The following VSIG4 variants were observed in gnomAD, a reference collection of about 807,000 sequenced individuals.
VSIG4 encodes the protein V-set and immunoglobulin domain containing 4.
A neutral mutation model predicts 23.4 loss-of-function variants in VSIG4; 34 were observed. That is an observed-to-expected ratio of 1.45 (90% confidence interval 1.10 to 1.93). The LOEUF is 1.93. Ranked by LOEUF, VSIG4 falls within the 30% of genes most tolerant of loss-of-function variation. VSIG4 has a pLI of 0.00. For synonymous variants in VSIG4, 169 were observed against 120.3 expected (o/e 1.41, Z -2.65); for missense variants, 433 against 310.8 (o/e 1.39, Z -2.96).
At chrX:66,039,346 G>T (rs1259892022) in intron 1 of VSIG4, among the ~76,000 whole-genome samples, 1 of 111,826 alleles carries the variant, frequency 8.9e-6, no homozygotes, top group Non-Finnish European at 1.9e-5. Flanking sequence ...ATGGAAGTCA[G>T]AGGGAACTGG....
At chrX:66,037,969 A>C (rs1424134767) in intron 1 of VSIG4, among the ~76,000 whole-genome samples, 1 of 108,605 alleles carries the variant, frequency 9.2e-6, no homozygotes, top group Admixed American at 1.0e-4. Flanking sequence ...CCTTCCTCCC[A>C]TCATCACAAA....
chrX:66,037,014 C>A (rs1269562968), intron 1 of VSIG4, among the ~76,000 whole-genome samples: 6 of 26,416 alleles, frequency 2.3e-4, no homozygotes, highest in East Asian at 1.7e-3. Context: ...TATAATATAT[C>A]ATATAATATA....
rs1468109091 is a variant in VSIG4 at position 66,033,521 on chromosome X, C to T, written c.365G>A (p.Gly122Asp). Residue 122 changes from glycine to aspartate, a missense_variant, in exon 2 of 8, where the codon GGC becomes GAC. Gly to Asp is a moderately conservative substitution (Grantham distance 94). Transcript: ENST00000374737. ...AATCTTATCTCTCACGACTTGGTTG[C>T]CATCAGGAGTCTGCCAGGTGACTTC... ...TCEVTWQTPD[G>D]NQVVRDKITE... 2 of 1,211,065 alleles carry T rather than the reference C, an allele frequency of 1.7e-6. No homozygotes were observed. The highest frequency in any genetic ancestry group is 2.2e-6 in the Non-Finnish European group (2 of 895,143).
intron 5 of VSIG4, among the ~76,000 whole-genome samples, 197 bp downstream of exon 5, chrX:66,027,252 G>A (rs141600786): frequency 3.2e-3 from 360 of 111,740 alleles, no homozygotes; most frequent in Non-Finnish European, 5.6e-3. Flanking sequence ...CTCTGACTTT[G>A]CTCATCTCTG....
intron 6 of VSIG4, 56 bp downstream of exon 6, chrX:66,024,969 T>A (rs1045855589): frequency 1.1e-6 from 1 of 906,069 alleles, no homozygotes; most frequent in Non-Finnish European, 1.5e-6. Context: ...TAGGCTCAAG[T>A]ATACTGACAG....
intron 6 of VSIG4, among the ~76,000 whole-genome samples, chrX:66,024,683 T>C: frequency 8.9e-6 from 1 of 112,140 alleles, no homozygotes; most frequent in East Asian, 2.8e-4. Context: ...CTATGTATTG[T>C]CATTGATAAA....
At position 66,032,560 on chromosome X, in the gene VSIG4, G is replaced by T. The variant is rs150666044; in HGVS notation, c.602C>A (p.Ala201Glu). 1.7e-5 allele frequency: 20 copies of T among 1,209,729 alleles called. No individual in the cohort carries two copies. The South Asian group carries it at 2.1e-4, about 13-fold the overall frequency. ...ATLSTLLFKP[A>E]VIADSGSYFC... Reference sequence around the variant, plus strand: ...ATAGGAGCCTGAGTCGGCTATCACCGCAGGCTTGAAGAGTAAGGTACTTAG... The same window carrying T: ...ATAGGAGCCTGAGTCGGCTATCACCTCAGGCTTGAAGAGTAAGGTACTTAG... Residue 201 changes from alanine (A) to glutamate (E), a missense_variant, in exon 3 of 8, where the codon GCG (alanine) becomes GAG (glutamate). By Grantham distance (107) the Ala-to-Glu change is moderately radical (BLOSUM62 -1). Coordinates refer to ENST00000374737, the MANE Select transcript of VSIG4 (RefSeq NM_007268.3).
chrX:66,023,859 A>G lies in VSIG4; in HGVS notation c.941-997T>C, dbSNP rs73629484. On this transcript the variant is annotated intron_variant, in intron 6 of 7. Transcript: ENST00000374737. ...CATAAGAAGCCATGGAAGGTTTTTG[A>G]GAGAGAAACAATTTAATGTGGTTAC... is the stretch of plus-strand genomic sequence containing the variant. Among the ~76,000 whole-genome samples, 292 of 112,259 alleles carry G rather than the reference A, an allele frequency of 2.6e-3. 1 individual carries two copies. Among genetic ancestry groups the G allele is most frequent in the African/African-American group, 9.0e-3 (279 of 30,871 alleles).
intron 5 of VSIG4, among the ~76,000 whole-genome samples, chrX:66,027,214 G>A (rs1395267722): frequency 9.0e-6 from 1 of 111,327 alleles, no homozygotes; most frequent in African/African-American, 3.3e-5. Context: ...CTAAATAAAG[G>A]GCACATTTAT....
intron 1 of VSIG4, among the ~76,000 whole-genome samples, 164 bp from the exon 2 acceptor site, chrX:66,033,994 C>G (rs1457001283): frequency 8.9e-6 from 1 of 112,099 alleles, no homozygotes; most frequent in Non-Finnish European, 1.9e-5. Context: ...CCAGCCTTCT[C>G]ATCAATCAGA....
intron 3 of VSIG4, among the ~76,000 whole-genome samples, chrX:66,029,978 T>C (rs181554857): frequency 9.0e-6 from 1 of 111,535 alleles, no homozygotes; most frequent in East Asian, 2.8e-4. Flanking sequence ...CCTGATAATA[T>C]AGAAATACAT....
In VSIG4 at chrX:66,022,463, T is replaced by C. The variant is rs771391543; in HGVS notation, c.1000A>G (p.Met334Val). Residue 334 changes from methionine (M) to valine (V), a missense_variant, in exon 8 of 8, where the codon ATG (methionine) becomes GTG (valine). Transcript: ENST00000374737. ...AREANDSGET[M>V]RVAIFASGCS... ...CCACTTGCGAAGATGGCCACCCTCA[T>C]GGTTTCTCCAGAGTCGTTGGCCTCT... 2 of 1,212,032 alleles carry C rather than the reference T, an allele frequency of 1.7e-6. No individual in the cohort carries two copies. Among genetic ancestry groups the C allele is most frequent in the Admixed American group, 4.3e-5 (2 of 46,140 alleles).
chrX:66,022,525 A>T, intron 7 of VSIG4, 25 bp from the exon 8 acceptor site: 2 of 1,205,880 alleles, frequency 1.7e-6, no homozygotes, highest in Admixed American at 2.2e-5. Context: ...CCCACCACCC[A>T]TAAGAAGGGA....
Position 66,021,748 on chromosome X carries a change from G to T in VSIG4, c.*515C>A, listed in dbSNP as rs1028422550. On this transcript the variant is annotated 3_prime_UTR_variant, in exon 8 of 8. Transcript: ENST00000374737. ...CCAACACAACTGAAGTTGCTGTTAT[G>T]ATTAGATATTTATTGAGCACCAGGA... The T allele has an allele frequency of 1.9e-5, 4 of 212,447 alleles. No individual in the cohort carries two copies. Among genetic ancestry groups the T allele is most frequent in the Admixed American group, 1.8e-4 (3 of 16,992 alleles). The allele number at this position is 212,447 out of a possible 1,213,427, so 17.5% of individuals were successfully genotyped here.
intron 1 of VSIG4, among the ~76,000 whole-genome samples, chrX:66,037,542 A>C (rs1400151120): frequency 1.5e-5 from 1 of 66,342 alleles, no homozygotes; most frequent in African/African-American, 6.6e-5. Context: ...TTCATAATAT[A>C]TTATATTATA....
At chrX:66,037,359 T>G (rs1277245517) in intron 1 of VSIG4, among the ~76,000 whole-genome samples, 1 of 22,587 alleles carries the variant, frequency 4.4e-5, no homozygotes, top group Admixed American at 9.3e-4. Flanking sequence ...TAATATATAT[T>G]ATATAATAAT....
intron 1 of VSIG4, among the ~76,000 whole-genome samples, chrX:66,036,955 T>TTATATGA (rs2085576815): frequency 5.7e-5 from 2 of 35,150 alleles, no homozygotes; most frequent in Non-Finnish European, 8.1e-5. Context: ...ATATATTATA[T>TTATATGA]TATATTATAT....
At chrX:66,037,479 T>C (rs1292085095) in intron 1 of VSIG4, among the ~76,000 whole-genome samples, 1 of 47,345 alleles carries the variant, frequency 2.1e-5, no homozygotes, top group Non-Finnish European at 3.4e-5. Flanking sequence ...ATATAATAAT[T>C]ATATAATACA....
chrX:66,024,439 T>C (rs1013801724), intron 6 of VSIG4, among the ~76,000 whole-genome samples: 1 of 112,151 alleles, frequency 8.9e-6, no homozygotes, highest in Non-Finnish European at 1.9e-5. Flanking sequence ...ATTTTCTTTA[T>C]TGATGACCCC....
Sources: gnomAD v4.1 joint callset for allele counts (sites outside exome capture counted in the v4.1 genomes callset) on GRCh38, gnomAD v4.1.1 for gene constraint, MANE v1.5 for transcripts, NCBI Gene and HGNC (gene_info 2026-07-23, HGNC 2026-07-21) for gene names.